The following BICC1 variants were observed in gnomAD, a reference collection of about 807,000 sequenced individuals.
BICC1 encodes the protein BicC family RNA binding protein 1, also known as protein bicaudal C homolog 1.
In BICC1, 43 loss-of-function variants were observed where a neutral mutation model predicts 111.0. That is an observed-to-expected ratio of 0.39 (90% CI 0.30 to 0.50). The LOEUF (loss-of-function observed/expected upper bound fraction) is 0.50, where lower values mean the gene tolerates loss of function less well. BICC1 is among the 20% of genes least tolerant of loss of function. The pLI is 0.88. For missense variants in BICC1, 1,091 were observed against 1,203.2 expected, an observed-to-expected ratio of 0.91 and a Z score of 1.38; for synonymous variants, 467 against 434.4, an observed-to-expected ratio of 1.07 and a Z score of -0.93.
Position 58,830,727 on chromosome 10 carries a change from T to C in BICC1, c.*1836T>C, listed in dbSNP as rs1003612009. ...CCTTTTTAAGCTAAACTAAGCCTTA[T>C]CTGCTTAAGGATGTTGAACTGAATC... On this transcript the variant is annotated 3_prime_UTR_variant, in exon 21 of 21. Coordinates refer to ENST00000373886, the MANE Select transcript of BICC1 (RefSeq NM_001080512.3). The C allele has an allele frequency of 6.6e-6, 1 of 152,214 alleles. No individual in the cohort carries two copies. The highest frequency in any genetic ancestry group is 2.4e-5 in the African/African-American group (1 of 41,454). 9.4% of individuals were successfully genotyped at this position (152,214 alleles called of 1,614,324 possible).
At position 58,691,738 on chromosome 10, in the gene BICC1, C is replaced by T. The variant is rs562981091; in HGVS notation, c.238-10336C>T. Among the ~76,000 whole-genome samples, 6 of 152,280 alleles carry T rather than the reference C, an allele frequency of 3.9e-5. No individual in the cohort carries two copies. In the South Asian group the frequency reaches 6.2e-4, roughly 16 times the overall value. The stretch of plus-strand genomic sequence containing the variant: ...GAGGCATCCCATTTTCCACAGCCCT[C>T]GCTTGGCTCGGTTTGCCTCTCACTC... On this transcript the variant is annotated intron_variant, in intron 2 of 20. Coordinates refer to ENST00000373886, the MANE Select transcript of BICC1 (RefSeq NM_001080512.3).
At chr10:58,677,087 A>T (rs1839368731) in intron 2 of BICC1, among the ~76,000 whole-genome samples, 1 of 152,238 alleles carries the variant, frequency 6.6e-6, no homozygotes, top group Non-Finnish European at 1.5e-5. Context: ...ATCCCTGAAG[A>T]TGAGGAAAAA....
chr10:58,612,588 T>C (rs982788839), intron 1 of BICC1, among the ~76,000 whole-genome samples: 3 of 111,166 alleles, frequency 2.7e-5, no homozygotes, highest in African/African-American at 1.0e-4. Context: ...TGCAAATGTG[T>C]TGAGTTGTGT....
chr10:58,687,703 G>T (rs1207358323), intron 2 of BICC1, among the ~76,000 whole-genome samples: 1 of 152,204 alleles, frequency 6.6e-6, no homozygotes, highest in Non-Finnish European at 1.5e-5. Flanking sequence ...TGTGCCATTT[G>T]CTAAGACCAT....
chr10:58,669,717 C>T (rs916728225), intron 2 of BICC1, among the ~76,000 whole-genome samples: 4 of 151,982 alleles, frequency 2.6e-5, no homozygotes, highest in African/African-American at 9.7e-5. Context: ...AAACAGAATC[C>T]CTTAAAACGT....
intron 17 of BICC1, among the ~76,000 whole-genome samples, chr10:58,813,414 G>C (rs1843976708): frequency 6.6e-6 from 1 of 152,120 alleles, no homozygotes. Flanking sequence ...TGAGAAGCCA[G>C]CTTTGCCACA....
chr10:58,683,573 AT>A (rs1481972341), intron 2 of BICC1, among the ~76,000 whole-genome samples: 13 of 151,934 alleles, frequency 8.6e-5, no homozygotes, highest in Non-Finnish European at 1.5e-4. Flanking sequence ...GTGGTTTGTA[AT>A]TCTCCTTGAA....
intron 3 of BICC1, among the ~76,000 whole-genome samples, chr10:58,773,815 C>A (rs1842680511): frequency 6.6e-6 from 1 of 152,202 alleles, no homozygotes; most frequent in Non-Finnish European, 1.5e-5. Flanking sequence ...GGGTACTGTT[C>A]TGTGAGGTTT....
intron 10 of BICC1, among the ~76,000 whole-genome samples, chr10:58,796,938 G>A (rs1184095716): frequency 6.6e-6 from 1 of 152,020 alleles, no homozygotes; most frequent in East Asian, 1.9e-4. Context: ...TGAGGGGTGG[G>A]GAGGGGGGTG....
At chr10:58,574,768 G>A (rs541019171) in intron 1 of BICC1, among the ~76,000 whole-genome samples, 6 of 151,948 alleles carry the variant, frequency 3.9e-5, no homozygotes, top group Admixed American at 6.6e-5. Flanking sequence ...ATTGTTTCAC[G>A]AAAAATTCCC....
intron 1 of BICC1, among the ~76,000 whole-genome samples, chr10:58,583,580 CTCTCTG>C (rs1844342434): frequency 1.5e-5 from 1 of 65,476 alleles, no homozygotes; most frequent in East Asian, 3.2e-4. Context: ...AGTATTCTCT[CTCTCTG>C]TGTGTGTGTG....
chr10:58,723,853 G>A (rs1333212685), intron 3 of BICC1, among the ~76,000 whole-genome samples: 1 of 152,166 alleles, frequency 6.6e-6, no homozygotes, highest in African/African-American at 2.4e-5. Flanking sequence ...GGGCTTATGG[G>A]TTGCTAATGT....
chr10:58,790,788 G>A (rs1843152984), intron 8 of BICC1, among the ~76,000 whole-genome samples: 1 of 152,172 alleles, frequency 6.6e-6, no homozygotes, highest in South Asian at 2.1e-4. Flanking sequence ...TGGCACCACT[G>A]CACTGCATTT....
At chr10:58,626,212 G>C (rs10763570) in intron 2 of BICC1, among the ~76,000 whole-genome samples, 1 of 151,936 alleles carries the variant, frequency 6.6e-6, no homozygotes, top group Non-Finnish European at 1.5e-5. Context: ...CCCAAGCTTG[G>C]GTAAAGATGA....
intron 6 of BICC1, 110 bp downstream of exon 6, chr10:58,788,533 T>C: frequency 1.4e-6 from 1 of 707,914 alleles, no homozygotes; most frequent in South Asian, 2.1e-5. Context: ...GTTCAATCAG[T>C]AGGAAATAGT....
intron 2 of BICC1, among the ~76,000 whole-genome samples, chr10:58,685,786 A>G (rs984383776): frequency 2.0e-5 from 3 of 152,118 alleles, no homozygotes; most frequent in Non-Finnish European, 2.9e-5. Flanking sequence ...GGTCTCCTGA[A>G]TACAGCACAC....
intron 2 of BICC1, among the ~76,000 whole-genome samples, chr10:58,667,670 T>TA (rs1839059205): frequency 6.6e-6 from 1 of 152,110 alleles, no homozygotes; most frequent in Admixed American, 6.6e-5. Flanking sequence ...CCTGAACATC[T>TA]ATTACCAGTC....
chr10:58,728,403 C>A (rs2132547489), intron 3 of BICC1, among the ~76,000 whole-genome samples: 1 of 152,234 alleles, frequency 6.6e-6, no homozygotes, highest in Non-Finnish European at 1.5e-5. Context: ...CAAGTTTTAT[C>A]CTGAGATTGC....
chr10:58,526,329 A>G (rs1179352524), intron 1 of BICC1, among the ~76,000 whole-genome samples: 2 of 151,808 alleles, frequency 1.3e-5, no homozygotes, highest in Non-Finnish European at 2.9e-5. Context: ...TGTTGTGGAG[A>G]TGTATCATAG....
Sources: gnomAD v4.1 joint callset for allele counts (sites outside exome capture counted in the v4.1 genomes callset) on GRCh38, gnomAD v4.1.1 for gene constraint, MANE v1.5 for transcripts, NCBI Gene and HGNC (gene_info 2026-07-23, HGNC 2026-07-21) for gene names.